The following PUS7 variants were observed in gnomAD, a reference collection of about 807,000 sequenced individuals.
PUS7 encodes the protein pseudouridine synthase 7.
A neutral mutation model predicts 79.8 loss-of-function variants in PUS7; 48 were observed. That is an observed-to-expected ratio of 0.60 (90% CI 0.48 to 0.76). PUS7 has a LOEUF of 0.76. Ranked by LOEUF, PUS7 falls within the 30% of genes least tolerant of loss-of-function variation. The probability of loss-of-function intolerance (pLI) is 0.00; values close to 1 mark genes in which losing one functional copy is unlikely to be tolerated. For synonymous variants in PUS7, 286 were observed against 272.2 expected, an observed-to-expected ratio of 1.05 and a Z score of -0.50; for missense variants, 729 against 797.6, an observed-to-expected ratio of 0.91 and a Z score of 1.04.
intron 12 of PUS7, among the ~76,000 whole-genome samples, chr7:105,467,456 A>C (rs1013972301): frequency 2.6e-5 from 4 of 151,200 alleles, no homozygotes; most frequent in African/African-American, 4.9e-5. Flanking sequence ...CGCCCGGCTA[A>C]TTTTTTGTAT....
chr7:105,465,982 A>G (rs1431902758), intron 12 of PUS7, among the ~76,000 whole-genome samples: 1 of 152,104 alleles, frequency 6.6e-6, no homozygotes, highest in Non-Finnish European at 1.5e-5. Flanking sequence ...ACATGGCGAA[A>G]CCCCATCTCT....
intron 6 of PUS7, among the ~76,000 whole-genome samples, chr7:105,492,173 CAGG>C (rs1009770030): frequency 3.9e-4 from 60 of 151,916 alleles, no homozygotes; most frequent in African/African-American, 1.4e-3. Flanking sequence ...AGGCCTGAGG[CAGG>C]AGGACTGTCT....
chr7:105,504,070 C>CTTTTT lies in PUS7; in HGVS notation c.586-1511_586-1507dup, dbSNP rs11455671. Among the ~76,000 whole-genome samples, 663 of 136,940 alleles carry CTTTTT rather than the reference C, an allele frequency of 4.8e-3. 11 individuals carry two copies. The highest frequency in any genetic ancestry group is 0.034 in the East Asian group (160 of 4,656). The allele number at this position is 136,940 out of a possible 152,430, so 89.8% of individuals were successfully genotyped here. A position where few individuals can be genotyped will look rare whatever the true frequency, so the allele number is the denominator to read the frequency against. ...CTGCTACTGGCTAAACTTGATGACA[C>CTTTTT]TTTTTTTTTTTTTTTTGAGACACAG... On this transcript the variant is annotated intron_variant, in intron 4 of 15. Coordinates refer to ENST00000469408, the MANE Select transcript of PUS7 (RefSeq NM_019042.5).
intron 7 of PUS7, among the ~76,000 whole-genome samples, chr7:105,485,371 G>A (rs574591934): frequency 2.0e-5 from 3 of 152,154 alleles, no homozygotes; most frequent in South Asian, 4.2e-4. Context: ...CACCATGCCC[G>A]GCTAATTTTG....
At chr7:105,521,616 AG>A (rs1344982680) in intron 1 of PUS7, among the ~76,000 whole-genome samples, 1 of 152,228 alleles carries the variant, frequency 6.6e-6, no homozygotes, top group Non-Finnish European at 1.5e-5. Context: ...CACAGAAGGC[AG>A]GCGCGGCGAA....
chr7:105,496,129 G>A (rs1478198524), intron 5 of PUS7, among the ~76,000 whole-genome samples: 1 of 148,474 alleles, frequency 6.7e-6, no homozygotes, highest in East Asian at 2.0e-4. Flanking sequence ...TTGCATTCCA[G>A]CCTGGGCAAC....
intron 5 of PUS7, among the ~76,000 whole-genome samples, chr7:105,499,780 A>G (rs565513294): frequency 8.3e-4 from 126 of 152,342 alleles, no homozygotes; most frequent in Non-Finnish European, 1.5e-3. Flanking sequence ...AACAATTTCT[A>G]TCAGGATCTG....
chr7:105,488,087 C>T (rs1824628493), intron 7 of PUS7, among the ~76,000 whole-genome samples: 1 of 152,108 alleles, frequency 6.6e-6, no homozygotes, highest in Non-Finnish European at 1.5e-5. Flanking sequence ...ATTTAGGTGT[C>T]TAACACAGTT....
intron 1 of PUS7, among the ~76,000 whole-genome samples, chr7:105,520,888 G>A (rs954352421): frequency 6.6e-6 from 1 of 151,894 alleles, no homozygotes; most frequent in African/African-American, 2.4e-5. Flanking sequence ...CATGCCTATA[G>A]TCCCAGCTAC....
intron 15 of PUS7, 120 bp from the exon 16 acceptor site, chr7:105,458,046 T>C: frequency 4.5e-6 from 5 of 1,121,680 alleles, no homozygotes; most frequent in Non-Finnish European, 6.1e-6. Context: ...CTCCACTTCC[T>C]AGGGGGCCTT....
intron 11 of PUS7, 68 bp from the exon 12 acceptor site, chr7:105,468,531 T>C: frequency 7.0e-7 from 1 of 1,432,390 alleles, no homozygotes; most frequent in Non-Finnish European, 9.5e-7. Context: ...ACTTTTTTTT[T>C]TTTTGAGATG....
At chr7:105,498,577 A>G (rs1189210165) in intron 5 of PUS7, among the ~76,000 whole-genome samples, 3 of 152,220 alleles carry the variant, frequency 2.0e-5, no homozygotes, top group African/African-American at 7.2e-5. Flanking sequence ...CCATGAATAA[A>G]GAAGGAAAAA....
chr7:105,509,233 G>C (rs1012024528), intron 1 of PUS7, among the ~76,000 whole-genome samples: 1 of 133,600 alleles, frequency 7.5e-6, no homozygotes, highest in Non-Finnish European at 1.6e-5. Flanking sequence ...GGTTTCAGCA[G>C]ATAAAGGCAT....
rs771347924 is a variant in PUS7, at chr7:105,506,223, T to A, written c.449A>T (p.His150Leu). Residue 150 changes from histidine to leucine, a missense_variant, in exon 3 of 16, where the codon CAT (histidine) becomes CTT (leucine). Physicochemically the swap from His to Leu is moderately conservative, Grantham distance 99 (BLOSUM62 -3). Coordinates refer to ENST00000469408, the MANE Select transcript of PUS7 (RefSeq NM_019042.5). ...CACTGGAATGGACAAGTCATTCAAA[T>A]GGCTGATCCGTCCATCTTTTCCTAT... ...HEIGKDGRIS[H>L]LNDLSIPVDE... 2 of 1,613,630 alleles carry A rather than the reference T, an allele frequency of 1.2e-6. No homozygotes were observed. Among genetic ancestry groups the A allele is most frequent in the Admixed American group, 3.3e-5 (2 of 59,944 alleles).
intron 1 of PUS7, among the ~76,000 whole-genome samples, chr7:105,509,935 T>C (rs142261839): frequency 6.6e-6 from 1 of 152,274 alleles, no homozygotes; most frequent in Non-Finnish European, 1.5e-5. Context: ...AAATTTGCTG[T>C]TCTCACTCAA....
intron 4 of PUS7, among the ~76,000 whole-genome samples, chr7:105,505,567 A>G (rs1016600230): frequency 3.9e-5 from 6 of 151,950 alleles, no homozygotes; most frequent in African/African-American, 9.7e-5. Context: ...TCTAAACAAC[A>G]TATGTCGCTG....
chr7:105,464,841 CAG>C (rs1823574112), intron 13 of PUS7, among the ~76,000 whole-genome samples: 1 of 120,562 alleles, frequency 8.3e-6, no homozygotes, highest in African/African-American at 3.3e-5. Flanking sequence ...TTTTCTGAGA[CAG>C]AGTCTTGCTC....
In PUS7 at chr7:105,491,571, C is replaced by G; in HGVS notation, c.889G>C (p.Ala297Pro). 1 of 1,602,268 alleles carries G rather than the reference C, an allele frequency of 6.2e-7. No individual in the cohort carries two copies. The change falls in exon 7 of 16, where the codon GCT (alanine) becomes CCT (proline). Residue 297 changes from alanine to proline, a missense_variant. Coordinates refer to ENST00000469408, the MANE Select transcript of PUS7 (RefSeq NM_019042.5). ...ACAGCAATTTCTTGAACTGTTATAG[C>G]CCTTTTATCTTTGGTTCCCATGTAG... is the stretch of plus-strand genomic sequence containing the variant. ...FSYMGTKDKR[A>P]ITVQEIAVLK... is the part of the protein sequence containing the mutation.
intron 9 of PUS7, among the ~76,000 whole-genome samples, chr7:105,479,270 T>C (rs963490030): frequency 3.9e-5 from 6 of 152,278 alleles, no homozygotes; most frequent in Admixed American, 6.5e-5. Context: ...AGAGGAAATA[T>C]AGATTTTTAT....
Sources: gnomAD v4.1 joint callset for allele counts (sites outside exome capture counted in the v4.1 genomes callset) on GRCh38, gnomAD v4.1.1 for gene constraint, MANE v1.5 for transcripts, NCBI Gene and HGNC (gene_info 2026-07-23, HGNC 2026-07-21) for gene names.